Variants in ACTR3C observed in about 807,000 individuals in gnomAD.
ACTR3C encodes the protein actin-related protein 3C.
ACTR3C carries 18 observed loss-of-function variants against 26.3 expected under a neutral mutation model. The ratio of observed to expected loss-of-function variants is 0.68; its 90% CI spans 0.47 to 1.01. The LOEUF (loss-of-function observed/expected upper bound fraction) is 1.01, where lower values mean the gene tolerates loss of function less well. Among genes scored for constraint, ACTR3C ranks in the 50% least tolerant of loss-of-function variants. The pLI, the probability that ACTR3C is intolerant of heterozygous loss-of-function variation, is 0.00. For synonymous variants in ACTR3C, 55 were observed against 94.5 expected, an observed-to-expected ratio of 0.58 and a Z score of 2.42; for missense variants, 184 against 250.7, an observed-to-expected ratio of 0.73 and a Z score of 1.80.
intron 1 of ACTR3C, among the ~76,000 whole-genome samples, chr7:150,300,426 C>G (rs1795363005): frequency 6.6e-6 from 1 of 152,158 alleles, no homozygotes; most frequent in East Asian, 1.9e-4. Context: ...ACAATCACCC[C>G]TGGAACATGA....
At chr7:150,230,209 G>T in the ACTR3C span, among the ~76,000 whole-genome samples, 2 of 151,352 alleles carry the variant, frequency 1.3e-5, no homozygotes, top group African/African-American at 4.9e-5. Context: ...TGGGTCACAG[G>T]GCAAGACTCC....
the ACTR3C span, among the ~76,000 whole-genome samples, chr7:150,112,659 A>G: frequency 6.6e-6 from 1 of 152,172 alleles, no homozygotes; most frequent in Non-Finnish European, 1.5e-5. Context: ...CATCAAGGGA[A>G]AAAAAGGAGG....
the ACTR3C span, among the ~76,000 whole-genome samples, chr7:149,915,628 C>T: frequency 2.2e-4 from 33 of 151,522 alleles, 1 homozygote; most frequent in African/African-American, 8.1e-4. Context: ...AATGCAAAGC[C>T]ATTCAAAACT....
chr7:150,036,960 C>A, the ACTR3C span, among the ~76,000 whole-genome samples: 9 of 75,348 alleles, frequency 1.2e-4, no homozygotes, highest in African/African-American at 3.4e-4. Context: ...GAACCAGGGG[C>A]TGGCTCTCAG....
the ACTR3C span, among the ~76,000 whole-genome samples, chr7:149,992,100 C>T: frequency 6.6e-6 from 1 of 151,728 alleles, no homozygotes. Flanking sequence ...CCACCACTCC[C>T]AGCCTCAAAC....
the ACTR3C span, among the ~76,000 whole-genome samples, chr7:150,200,777 C>A: frequency 6.6e-6 from 1 of 152,158 alleles, no homozygotes; most frequent in Non-Finnish European, 1.5e-5. Context: ...GTTCTCCTTA[C>A]AAATGCACTT....
chr7:150,174,529 C>T, the ACTR3C span, among the ~76,000 whole-genome samples: 1 of 139,866 alleles, frequency 7.1e-6, no homozygotes. Flanking sequence ...TTCTTTTTGT[C>T]CTGTTCTAAA....
the ACTR3C span, among the ~76,000 whole-genome samples, chr7:150,135,207 G>A: frequency 1.3e-5 from 2 of 152,264 alleles, no homozygotes; most frequent in Non-Finnish European, 2.9e-5. Flanking sequence ...AGGAGGTGGA[G>A]CTTGCAGTGA....
At chr7:149,943,757 G>A in the ACTR3C span, among the ~76,000 whole-genome samples, 1 of 149,704 alleles carries the variant, frequency 6.7e-6, no homozygotes, top group Non-Finnish European at 1.5e-5. Context: ...AAGCGGCAGG[G>A]AGTTGAGATC....
At chr7:149,990,130 T>A in the ACTR3C span, among the ~76,000 whole-genome samples, 17 of 152,232 alleles carry the variant, frequency 1.1e-4, no homozygotes, top group African/African-American at 3.9e-4. Context: ...CTCCAGGGAC[T>A]TTGCACCTGC....
At chr7:150,168,002 CAG>C in the ACTR3C span, among the ~76,000 whole-genome samples, 4 of 150,752 alleles carry the variant, frequency 2.7e-5, no homozygotes, top group Non-Finnish European at 4.4e-5. Flanking sequence ...AAGAGTCAAA[CAG>C]AAATTTCTAC....
At chr7:150,162,928 G>T in the ACTR3C span, among the ~76,000 whole-genome samples, 8 of 152,132 alleles carry the variant, frequency 5.3e-5, no homozygotes, top group African/African-American at 1.9e-4. Context: ...AAGGCAGGTG[G>T]ATCACCTGAG....
the ACTR3C span, among the ~76,000 whole-genome samples, chr7:149,912,791 T>C: frequency 6.6e-6 from 1 of 151,902 alleles, no homozygotes; most frequent in Non-Finnish European, 1.5e-5. Context: ...TGAGCCACAG[T>C]GCCTGGCCCT....
chr7:149,984,415 G>T, the ACTR3C span, among the ~76,000 whole-genome samples: 1 of 151,970 alleles, frequency 6.6e-6, no homozygotes, highest in East Asian at 1.9e-4. Context: ...TGTTGGCCAG[G>T]CTGGTCTCGA....
chr7:150,222,268 A>T, the ACTR3C span, among the ~76,000 whole-genome samples: 15 of 152,192 alleles, frequency 9.9e-5, no homozygotes, highest in Non-Finnish European at 1.9e-4. Context: ...GTGGATGCAG[A>T]TGCTGGTTGG....
chr7:150,210,386 G>A, the ACTR3C span, among the ~76,000 whole-genome samples: 1 of 150,928 alleles, frequency 6.6e-6, no homozygotes, highest in Admixed American at 6.6e-5. Context: ...CCCTACCTAA[G>A]TGAAGTGTAA....
chr7:150,074,485 G>C, the ACTR3C span: 1 of 152,050 alleles, frequency 6.6e-6, no homozygotes, highest in East Asian at 1.9e-4. Context: ...TGGCGTCCAG[G>C]GTTCTTACTG....
chr7:150,073,194 C>T, the ACTR3C span, among the ~76,000 whole-genome samples: 1 of 152,210 alleles, frequency 6.6e-6, no homozygotes, highest in Non-Finnish European at 1.5e-5. Flanking sequence ...TCACCCCTTC[C>T]ACCACATGAG....
the ACTR3C span, among the ~76,000 whole-genome samples, chr7:150,199,828 A>G: frequency 1.3e-5 from 2 of 150,864 alleles, no homozygotes; most frequent in Non-Finnish European, 2.9e-5. Flanking sequence ...TTCACAATGT[A>G]TGCATATATC....
Sources: gnomAD v4.1 joint callset for allele counts (sites outside exome capture counted in the v4.1 genomes callset) on GRCh38, gnomAD v4.1.1 for gene constraint, MANE v1.5 for transcripts, NCBI Gene and HGNC (gene_info 2026-07-23, HGNC 2026-07-21) for gene names.